The following GALNT13 variants were observed in gnomAD, a reference collection of about 807,000 sequenced individuals.
GALNT13 encodes polypeptide N-acetylgalactosaminyltransferase 13, also known as UDP-GalNAc:polypeptide N-acetylgalactosaminyltransferase 13.
Under a neutral mutation model 64.2 loss-of-function variants are expected in GALNT13, and 28 were observed. The observed-to-expected ratio is 0.44, with a 90% confidence interval of 0.32 to 0.60. GALNT13 has a LOEUF of 0.60. Ranked by LOEUF, GALNT13 falls within the 20% of genes least tolerant of loss-of-function variation. The pLI is 0.05. For missense variants in GALNT13, 577 were observed against 669.8 expected (o/e 0.86, Z 1.53); for synonymous variants, 214 against 224.6 (o/e 0.95, Z 0.42).
intron 4 of GALNT13, among the ~76,000 whole-genome samples, chr2:154,141,364 T>C (rs1433696507): frequency 6.6e-6 from 1 of 152,200 alleles, no homozygotes; most frequent in Non-Finnish European, 1.5e-5. Flanking sequence ...TTTTAAACTG[T>C]TTAGTATTAA....
chr2:153,365,943 T>TA, the GALNT13 span, among the ~76,000 whole-genome samples: 3 of 152,168 alleles, frequency 2.0e-5, no homozygotes, highest in Admixed American at 6.5e-5. Flanking sequence ...CATGCACTCA[T>TA]ACGTTGATTG....
the GALNT13 span, among the ~76,000 whole-genome samples, chr2:153,118,328 A>G: frequency 1.3e-5 from 2 of 152,172 alleles, no homozygotes; most frequent in Non-Finnish European, 2.9e-5. Flanking sequence ...CCTCTTCCTC[A>G]GACAGGCTGT....
chr2:153,932,674 C>G (rs1273773278), intron 2 of GALNT13, among the ~76,000 whole-genome samples: 1 of 136,348 alleles, frequency 7.3e-6, no homozygotes, highest in Admixed American at 7.9e-5. Context: ...GTTGCCCAGC[C>G]TCGAATGCAA....
chr2:153,640,308 G>C, the GALNT13 span, among the ~76,000 whole-genome samples: 8 of 152,308 alleles, frequency 5.3e-5, no homozygotes, highest in East Asian at 1.5e-3. Context: ...TACTCCAAGT[G>C]TGGAGATCAG....
chr2:154,404,696 T>G (rs1699447770), intron 10 of GALNT13, among the ~76,000 whole-genome samples: 2 of 152,146 alleles, frequency 1.3e-5, no homozygotes, highest in Admixed American at 1.3e-4. Flanking sequence ...TTCTTGAAAC[T>G]CACTAGCTGA....
chr2:153,413,591 G>A, the GALNT13 span, among the ~76,000 whole-genome samples: 1 of 152,122 alleles, frequency 6.6e-6, no homozygotes, highest in Admixed American at 6.5e-5. Context: ...GTAGGTTTCA[G>A]TTATATAACT....
intron 7 of GALNT13, among the ~76,000 whole-genome samples, chr2:154,249,528 T>G (rs142876186): frequency 6.6e-6 from 1 of 152,310 alleles, no homozygotes; most frequent in East Asian, 1.9e-4. Flanking sequence ...AGATATTCAT[T>G]TCCACTTTAA....
the GALNT13 span, among the ~76,000 whole-genome samples, chr2:153,359,025 AGATT>A: frequency 6.6e-6 from 1 of 152,204 alleles, no homozygotes; most frequent in Non-Finnish European, 1.5e-5. Context: ...ATTTCACTGA[AGATT>A]GTTTTTATGA....
At chr2:153,278,379 G>C in the GALNT13 span, among the ~76,000 whole-genome samples, 1 of 152,012 alleles carries the variant, frequency 6.6e-6, no homozygotes, top group Non-Finnish European at 1.5e-5. Flanking sequence ...TCCATTTTTG[G>C]TTTTGTTGCA....
At chr2:153,985,139 C>T (rs1694711664) in intron 3 of GALNT13, among the ~76,000 whole-genome samples, 1 of 151,992 alleles carries the variant, frequency 6.6e-6, no homozygotes, top group Non-Finnish European at 1.5e-5. Flanking sequence ...TAAGTACCAA[C>T]TATTATTTTT....
the GALNT13 span, among the ~76,000 whole-genome samples, chr2:153,432,628 G>A: frequency 6.6e-6 from 1 of 151,992 alleles, no homozygotes; most frequent in African/African-American, 2.4e-5. Context: ...CCCACCCCCA[G>A]TGCTGCTTGT....
the GALNT13 span, among the ~76,000 whole-genome samples, chr2:153,609,173 C>CTCAAGTGATCTGG: frequency 1.1e-4 from 16 of 151,876 alleles, no homozygotes; most frequent in Non-Finnish European, 2.2e-4. Context: ...AACTTGTGAG[C>CTCAAGTGATCTGG]CTGCCTCAGC....
intron 2 of GALNT13, among the ~76,000 whole-genome samples, chr2:153,906,151 T>C (rs573550936): frequency 2.7e-4 from 41 of 151,874 alleles, no homozygotes; most frequent in Non-Finnish European, 5.3e-4. Flanking sequence ...GGGGGACTTA[T>C]TTATTTTGAT....
At chr2:154,112,889 G>A (rs996385289) in intron 3 of GALNT13, among the ~76,000 whole-genome samples, 1 of 152,198 alleles carries the variant, frequency 6.6e-6, no homozygotes, top group African/African-American at 2.4e-5. Flanking sequence ...AGGGTGGCCG[G>A]AGTACAGACC....
At chr2:153,397,569 A>T in the GALNT13 span, among the ~76,000 whole-genome samples, 1 of 151,986 alleles carries the variant, frequency 6.6e-6, no homozygotes, top group Non-Finnish European at 1.5e-5. Flanking sequence ...AGATGTTACC[A>T]GTCTTGCATC....
the GALNT13 span, among the ~76,000 whole-genome samples, chr2:153,395,964 C>A: frequency 6.2e-4 from 95 of 152,142 alleles, no homozygotes; most frequent in Non-Finnish European, 8.5e-4. Flanking sequence ...GCTTTGTGGT[C>A]CAGATGGTCT....
intron 2 of GALNT13, among the ~76,000 whole-genome samples, chr2:153,939,783 C>CA (rs1691207159): frequency 6.6e-6 from 1 of 152,150 alleles, no homozygotes; most frequent in Non-Finnish European, 1.5e-5. Context: ...TCTTATGTGC[C>CA]AGGCACTGTT....
At chr2:153,196,910 C>A in the GALNT13 span, among the ~76,000 whole-genome samples, 3 of 152,208 alleles carry the variant, frequency 2.0e-5, no homozygotes, top group Non-Finnish European at 4.4e-5. Context: ...TACCTCCCCA[C>A]TGCAGCTGGT....
chr2:153,139,522 G>A, the GALNT13 span, among the ~76,000 whole-genome samples: 23 of 152,100 alleles, frequency 1.5e-4, no homozygotes, highest in Admixed American at 7.2e-4. Context: ...GGAAAAGATT[G>A]GCTGGGGCAT....
Sources: gnomAD v4.1 joint callset for allele counts (sites outside exome capture counted in the v4.1 genomes callset) on GRCh38, gnomAD v4.1.1 for gene constraint, MANE v1.5 for transcripts, NCBI Gene and HGNC (gene_info 2026-07-23, HGNC 2026-07-21) for gene names.